Variants in OXR1 observed in about 807,000 individuals in gnomAD.
OXR1 encodes the protein oxidation resistance 1, also known as oxidation resistance protein 1.
In OXR1, 41 loss-of-function variants were observed where a neutral mutation model predicts 104.6. The ratio of observed to expected loss-of-function variants is 0.39; its 90% confidence interval spans 0.31 to 0.51. The LOEUF is 0.51. Among genes scored for constraint, OXR1 ranks in the 20% least tolerant of loss-of-function variants. The pLI is 0.77. For missense variants in OXR1, 955 were observed against 1,031.9 expected (o/e 0.93, Z 1.02); for synonymous variants, 348 against 348.4 (o/e 1.00, Z 0.01).
At chr8:106,552,302 G>A (rs1475603343) in intron 3 of OXR1, among the ~76,000 whole-genome samples, 1 of 151,956 alleles carries the variant, frequency 6.6e-6, no homozygotes, top group African/African-American at 2.4e-5. Flanking sequence ...GCTGAGATGA[G>A]AAACCAGATG....
intron 1 of OXR1, among the ~76,000 whole-genome samples, chr8:106,349,877 A>G (rs1386472532): frequency 1.3e-5 from 2 of 152,170 alleles, no homozygotes; most frequent in Non-Finnish European, 2.9e-5. Flanking sequence ...AAGTGGGCGG[A>G]GTGGAGTCTG....
chr8:106,748,633 A>G (rs191071372), intron 16 of OXR1, among the ~76,000 whole-genome samples: 1 of 118,742 alleles, frequency 8.4e-6, no homozygotes, highest in African/African-American at 3.4e-5. Flanking sequence ...CAATGGCACA[A>G]TCTTGGCTCA....
At chr8:106,573,137 GT>G (rs1817592111) in intron 3 of OXR1, among the ~76,000 whole-genome samples, 1 of 152,076 alleles carries the variant, frequency 6.6e-6, no homozygotes, top group Admixed American at 6.6e-5. Context: ...AAATCTTTTT[GT>G]TGTATTCAAG....
At chr8:106,311,432 T>G (rs1813695689) in intron 1 of OXR1, among the ~76,000 whole-genome samples, 1 of 151,982 alleles carries the variant, frequency 6.6e-6, no homozygotes, top group South Asian at 2.1e-4. Context: ...GCATTACTAT[T>G]TTATCACTTG....
At chr8:106,353,084 C>A (rs117412215) in intron 1 of OXR1, among the ~76,000 whole-genome samples, 1 of 152,164 alleles carries the variant, frequency 6.6e-6, no homozygotes, top group South Asian at 2.1e-4. Context: ...TGGTGGCTCA[C>A]GCCTATAATC....
At chr8:106,689,552 CTTTA>C (rs758193307) in intron 6 of OXR1, among the ~76,000 whole-genome samples, 7 of 151,706 alleles carry the variant, frequency 4.6e-5, no homozygotes, top group Non-Finnish European at 8.8e-5. Flanking sequence ...TATTATGGAG[CTTTA>C]TTTATATTCT....
chr8:106,643,922 G>T (rs1442003028), intron 3 of OXR1, among the ~76,000 whole-genome samples: 1 of 152,166 alleles, frequency 6.6e-6, no homozygotes, highest in Non-Finnish European at 1.5e-5. Flanking sequence ...CAATTGAGAT[G>T]TATTCTTTGT....
chr8:106,555,703 G>A (rs538325424), intron 3 of OXR1, among the ~76,000 whole-genome samples: 2 of 151,538 alleles, frequency 1.3e-5, no homozygotes, highest in South Asian at 2.1e-4. Flanking sequence ...AGTGGTAGAG[G>A]GATAGAATGA....
intron 3 of OXR1, among the ~76,000 whole-genome samples, chr8:106,666,781 T>A (rs1043402026): frequency 2.6e-5 from 4 of 152,146 alleles, no homozygotes; most frequent in Non-Finnish European, 5.9e-5. Context: ...GGTAATCAGA[T>A]ATCCAGGATC....
intron 1 of OXR1, among the ~76,000 whole-genome samples, chr8:106,350,847 A>G (rs1563731718): frequency 6.6e-6 from 1 of 152,198 alleles, no homozygotes; most frequent in Non-Finnish European, 1.5e-5. Context: ...TGTCAGGATT[A>G]TTTGACTCCA....
chr8:106,552,684 ACT>A (rs1815935671), intron 3 of OXR1, among the ~76,000 whole-genome samples: 2 of 152,094 alleles, frequency 1.3e-5, no homozygotes, highest in South Asian at 2.1e-4. Context: ...GGATTCAGTA[ACT>A]CTTGCATTTG....
At chr8:106,612,311 T>G (rs1820876796) in intron 3 of OXR1, among the ~76,000 whole-genome samples, 1 of 152,140 alleles carries the variant, frequency 6.6e-6, no homozygotes, top group African/African-American at 2.4e-5. Context: ...ATAGGTTAAG[T>G]CCAGTGAAAC....
At chr8:106,611,090 G>A (rs1258013117) in intron 3 of OXR1, among the ~76,000 whole-genome samples, 2 of 152,150 alleles carry the variant, frequency 1.3e-5, no homozygotes, top group Non-Finnish European at 2.9e-5. Flanking sequence ...AGTGATAAGT[G>A]GTACGAAGAA....
intron 3 of OXR1, among the ~76,000 whole-genome samples, chr8:106,559,840 A>G (rs1612931): frequency 0.71 from 108,021 of 152,136 alleles, 38,470 homozygotes; most frequent in South Asian, 0.8. Context: ...AACACACTGC[A>G]GATTCGATTT....
chr8:106,654,042 C>T (rs1027586669), intron 3 of OXR1, among the ~76,000 whole-genome samples: 1 of 152,000 alleles, frequency 6.6e-6, no homozygotes, highest in Non-Finnish European at 1.5e-5. Context: ...ATGAAAAGCA[C>T]AAAACATTGC....
intron 1 of OXR1, among the ~76,000 whole-genome samples, chr8:106,354,816 ATCACT>A (rs1308762102): frequency 6.6e-6 from 1 of 152,144 alleles, no homozygotes. Flanking sequence ...CTTAAATAAA[ATCACT>A]TCACAGAAGA....
intron 2 of OXR1, among the ~76,000 whole-genome samples, chr8:106,513,414 C>T (rs1260581305): frequency 6.6e-6 from 1 of 151,730 alleles, no homozygotes; most frequent in African/African-American, 2.4e-5. Flanking sequence ...GATTTATACA[C>T]ACACACACAC....
In OXR1 at chr8:106,688,080, A is replaced by G. The variant is rs114460937; in HGVS notation, c.525+3721A>G. On this transcript the variant is annotated intron_variant, in intron 6 of 16. Transcript: ENST00000517566. ...TAAATCTCTCATTTTTTGAATAAAT[A>G]TAGAAACCTGCTTTTGTTTTGTACA... Among the ~76,000 whole-genome samples, 559 of 152,328 alleles carry G rather than the reference A, an allele frequency of 3.7e-3. 7 individuals carry two copies. Among genetic ancestry groups the G allele is most frequent in the African/African-American group, 0.013 (541 of 41,584 alleles).
chr8:106,584,249 G>A (rs1818460755), intron 3 of OXR1, among the ~76,000 whole-genome samples: 1 of 151,632 alleles, frequency 6.6e-6, no homozygotes, highest in Admixed American at 6.6e-5. Flanking sequence ...GAAACCTGAG[G>A]GCCAGTCATG....
Sources: gnomAD v4.1 joint callset for allele counts (sites outside exome capture counted in the v4.1 genomes callset) on GRCh38, gnomAD v4.1.1 for gene constraint, MANE v1.5 for transcripts, NCBI Gene and HGNC (gene_info 2026-07-23, HGNC 2026-07-21) for gene names.